The following DYSF variants were observed in gnomAD, a reference collection of about 807,000 sequenced individuals.
DYSF encodes the protein dystrophy-associated fer-1-like 1.
Under a neutral mutation model 274.9 loss-of-function variants are expected in DYSF, and 212 were observed. That is an observed-to-expected ratio of 0.77 (90% CI 0.69 to 0.86). The LOEUF is 0.86. Among genes scored for constraint, DYSF ranks in the 40% least tolerant of loss-of-function variants. The pLI is 0.00. For missense variants in DYSF, 2,666 were observed against 2,783.2 expected (o/e 0.96, Z 0.95); for synonymous variants, 1,091 against 1,078.7 (o/e 1.01, Z -0.22).
At chr2:71,675,861 A>G (rs973466218) in intron 52 of DYSF, among the ~76,000 whole-genome samples, 3 of 152,130 alleles carry the variant, frequency 2.0e-5, no homozygotes, top group Non-Finnish European at 2.9e-5. Context: ...ACACATGTAC[A>G]TGCATACATA....
At chr2:71,639,951 G>A (rs961915795) in intron 41 of DYSF, among the ~76,000 whole-genome samples, 6 of 152,220 alleles carry the variant, frequency 3.9e-5, no homozygotes, top group African/African-American at 1.4e-4. Flanking sequence ...GCATTTATGT[G>A]TAGGCACAGT....
chr2:71,664,561 T>A (rs1424753036), intron 46 of DYSF, 123 bp downstream of exon 46: 2 of 1,209,540 alleles, frequency 1.7e-6, no homozygotes, highest in African/African-American at 3.0e-5. Flanking sequence ...TCCTAGGCAT[T>A]CTCTCATTGA....
intron 55 of DYSF, among the ~76,000 whole-genome samples, chr2:71,684,794 C>T (rs1361166447): frequency 6.6e-6 from 1 of 152,154 alleles, no homozygotes; most frequent in Non-Finnish European, 1.5e-5. Context: ...AGAGCTCTGT[C>T]GCTGGAGTCA....
intron 4 of DYSF, among the ~76,000 whole-genome samples, chr2:71,510,687 G>A (rs371141847): frequency 3.9e-5 from 6 of 152,190 alleles, no homozygotes; most frequent in African/African-American, 1.2e-4. Context: ...GTCCCTGGAC[G>A]TCCCTAACAT....
At position 71,656,292 on chromosome 2, in the gene DYSF, T is replaced by C. The variant is rs755270324; in HGVS notation, c.4755+2T>C. 1 of 1,613,958 alleles carries C rather than the reference T, an allele frequency of 6.2e-7. No individual in the cohort carries two copies. The highest frequency in any genetic ancestry group is 1.1e-5 in the South Asian group (1 of 91,082). On this transcript the variant is annotated splice_donor_variant, in intron 43 of 55. Coordinates refer to ENST00000410020, the MANE Select transcript of DYSF (RefSeq NM_001130987.2). LOFTEE classifies it high-confidence loss of function. ...CCATCTGTGATTGGTGAATTTAAGG[T>C]AAATCCTCGAAGACGTCCCTAACCC...
chr2:71,641,370 G>C (rs961862784), intron 41 of DYSF, among the ~76,000 whole-genome samples: 1 of 151,622 alleles, frequency 6.6e-6, no homozygotes, highest in Non-Finnish European at 1.5e-5. Flanking sequence ...TAGTAGAGAC[G>C]GGGTTTCACC....
At chr2:71,649,418 A>C (rs1022078399) in intron 42 of DYSF, among the ~76,000 whole-genome samples, 1 of 152,206 alleles carries the variant, frequency 6.6e-6, no homozygotes, top group African/African-American at 2.4e-5. Flanking sequence ...ACAAGCAAAC[A>C]GTACAAAGGT....
intron 30 of DYSF, among the ~76,000 whole-genome samples, chr2:71,587,522 C>T (rs1259064390): frequency 1.3e-5 from 2 of 152,184 alleles, no homozygotes; most frequent in African/African-American, 2.4e-5. Flanking sequence ...CCTGTGCCTT[C>T]CCTCGTAAGG....
chr2:71,624,371 A>G (rs915828035), intron 41 of DYSF, among the ~76,000 whole-genome samples: 4 of 152,180 alleles, frequency 2.6e-5, no homozygotes, highest in Non-Finnish European at 4.4e-5. Context: ...GTTTGCTACT[A>G]CTTAGGATTT....
At chr2:71,523,736 G>A (rs901686832) in intron 12 of DYSF, among the ~76,000 whole-genome samples, 3 of 151,852 alleles carry the variant, frequency 2.0e-5, no homozygotes, top group East Asian at 1.9e-4. Flanking sequence ...TAGTAGAGAC[G>A]GGGTTTCACC....
chr2:71,669,735 A>G lies in DYSF; in HGVS notation c.5773A>G (p.Ile1925Val). Residue 1925 changes from isoleucine to valine, a missense_variant, in exon 51 of 56, where the codon ATT (isoleucine) becomes GTT (valine). Ile to Val is a conservative substitution (Grantham distance 29). This residue lies in a region of DYSF where 1,460 missense variants were observed against 1,502.1 expected (regional missense o/e 0.97). Coordinates refer to ENST00000410020, the MANE Select transcript of DYSF (RefSeq NM_001130987.2). ...CCTGCCAGCTGAGCAAGTCTGTACC[A>G]TTGCCAAGAAGGTCAGTGTCCTTCC... Reference protein sequence around the residue: ...DYLPAEQVCTIAKKDAFWRLD... With the variant: ...DYLPAEQVCTVAKKDAFWRLD... 6 of 1,614,184 alleles carry G rather than the reference A, an allele frequency of 3.7e-6. No homozygotes were observed. Among genetic ancestry groups the G allele is most frequent in the Non-Finnish European group, 5.1e-6 (6 of 1,180,036 alleles).
At chr2:71,575,154 T>C (rs1320255211) in intron 30 of DYSF, among the ~76,000 whole-genome samples, 7 of 152,126 alleles carry the variant, frequency 4.6e-5, no homozygotes, top group African/African-American at 1.7e-4. Context: ...GCTGGGCACC[T>C]ATCTGTAGGA....
At chr2:71,547,563 T>C (rs1305909565) in intron 17 of DYSF, among the ~76,000 whole-genome samples, 1 of 152,108 alleles carries the variant, frequency 6.6e-6, no homozygotes, top group Non-Finnish European at 1.5e-5. Context: ...TGCTGGAACC[T>C]GGGAGGCGGA....
chr2:71,608,284 G>C (rs2093681783), intron 36 of DYSF, among the ~76,000 whole-genome samples: 1 of 152,020 alleles, frequency 6.6e-6, no homozygotes, highest in East Asian at 1.9e-4. Flanking sequence ...TTGGGAGATG[G>C]GGATGTCTTT....
chr2:71,520,725 C>T lies in DYSF; in HGVS notation c.1034-64C>T, dbSNP rs55695728. The T allele has an allele frequency of 0.13, 188,197 of 1,470,992 alleles. 12,999 individuals carry two copies. The highest frequency in any genetic ancestry group is 0.14 in the Non-Finnish European group (144,909 of 1,051,580). The allele number at this position is 1,470,992 out of a possible 1,614,324, so 91.1% of individuals were successfully genotyped here. On this transcript the variant is annotated intron_variant, in intron 11 of 55. Transcript: ENST00000410020. ...CCCTGTGCAGTCCATCCTGGGTTCC[C>T]GGATGTGGCCACAGCCTGGGGTCTT... is the stretch of plus-strand genomic sequence containing the variant.
intron 30 of DYSF, among the ~76,000 whole-genome samples, chr2:71,578,332 C>A (rs1378052586): frequency 1.3e-5 from 2 of 152,144 alleles, no homozygotes; most frequent in Non-Finnish European, 2.9e-5. Context: ...ATGTGCATTC[C>A]TGCTGGGAGG....
chr2:71,671,469 C>T (rs1315111491), intron 51 of DYSF, among the ~76,000 whole-genome samples: 1 of 152,214 alleles, frequency 6.6e-6, no homozygotes, highest in Non-Finnish European at 1.5e-5. Flanking sequence ...CGTGGCACCC[C>T]CAGGGCTCAC....
chr2:71,570,684 GC>G lies in DYSF; in HGVS notation c.3172del (p.Arg1058GlyfsTer17). On this transcript the variant is annotated frameshift_variant, in exon 29 of 56. Transcript: ENST00000410020. LOFTEE classifies it high-confidence loss of function. ...AEKMYYTHRR[R>X]RWVRLRRRDL... ...AGAAGATGTACTACACACACCGACG[GC>G]GGCGCTGGGTGCGCCTGCGCAGGAG... is the stretch of plus-strand genomic sequence containing the variant. 6.2e-7 allele frequency: 1 copy of G among 1,614,080 alleles called. No homozygotes were observed. Among genetic ancestry groups the G allele is most frequent in the Non-Finnish European group, 8.5e-7 (1 of 1,179,972 alleles).
chr2:71,664,237 G>T (rs374435101), intron 45 of DYSF, 31 bp from the exon 46 acceptor site: 85 of 1,613,312 alleles, frequency 5.3e-5, no homozygotes, highest in Non-Finnish European at 6.6e-5. Context: ...GCCCCGTGTT[G>T]GCTGACATCG....
Sources: allele counts gnomAD v4.1 joint callset (sites outside exome capture counted in the v4.1 genomes callset), GRCh38; gene constraint gnomAD v4.1.1; regional missense constraint gnomAD v4.1.1; transcripts MANE v1.5; gene names NCBI Gene and HGNC (gene_info 2026-07-23, HGNC 2026-07-21).